Variants in SLX4IP observed in about 807,000 individuals in gnomAD.
SLX4IP encodes the protein protein SLX4IP.
In SLX4IP, 34 loss-of-function variants were observed where a neutral mutation model predicts 32.9. The ratio of observed to expected loss-of-function variants is 1.03; its 90% CI spans 0.79 to 1.38. The LOEUF (loss-of-function observed/expected upper bound fraction) is 1.38, where lower values mean the gene tolerates loss of function less well. Among genes scored for constraint, SLX4IP ranks in the 40% most tolerant of loss-of-function variants. SLX4IP has a pLI of 0.00. For synonymous variants in SLX4IP, 172 were observed against 171.7 expected, an observed-to-expected ratio of 1.00 and a Z score of -0.01; for missense variants, 444 against 479.0, an observed-to-expected ratio of 0.93 and a Z score of 0.68.
intron 2 of SLX4IP, among the ~76,000 whole-genome samples, chr20:10,523,451 C>T (rs180803880): frequency 5.6e-4 from 86 of 152,280 alleles, no homozygotes; most frequent in African/African-American, 1.9e-3. Context: ...CATAGTCAAA[C>T]GCCTTTGTGT....
chr20:10,458,752 C>T (rs993037486), intron 2 of SLX4IP, among the ~76,000 whole-genome samples: 13 of 152,200 alleles, frequency 8.5e-5, no homozygotes, highest in African/African-American at 2.9e-4. Flanking sequence ...TTTCTTTATC[C>T]GTTTTTTCAC....
chr20:10,619,526 A>G (rs2067082800), intron 6 of SLX4IP, among the ~76,000 whole-genome samples: 1 of 152,198 alleles, frequency 6.6e-6, no homozygotes, highest in Non-Finnish European at 1.5e-5. Flanking sequence ...TATGTGGCAT[A>G]TGCAGTATTC....
intron 4 of SLX4IP, among the ~76,000 whole-genome samples, chr20:10,590,332 T>C (rs2066693127): frequency 6.6e-6 from 1 of 152,012 alleles, no homozygotes; most frequent in Non-Finnish European, 1.5e-5. Flanking sequence ...CATTTTATTT[T>C]ATTTTATTTA....
chr20:10,568,352 G>A (rs1021305392), intron 4 of SLX4IP, among the ~76,000 whole-genome samples: 2 of 152,196 alleles, frequency 1.3e-5, no homozygotes, highest in Admixed American at 6.5e-5. Context: ...GTGAAGCTGC[G>A]TGACTTTCTC....
At chr20:10,539,359 G>A (rs570380775) in intron 2 of SLX4IP, among the ~76,000 whole-genome samples, 4 of 152,088 alleles carry the variant, frequency 2.6e-5, no homozygotes, top group Non-Finnish European at 5.9e-5. Context: ...TATTTTAAAG[G>A]GATTAGAAGA....
chr20:10,497,537 T>C (rs1383119017), intron 2 of SLX4IP, among the ~76,000 whole-genome samples: 2 of 152,140 alleles, frequency 1.3e-5, no homozygotes, highest in Admixed American at 1.3e-4. Context: ...TTTGCTTTCT[T>C]TTTTCGGAAA....
chr20:10,454,434 A>G (rs1032577574), intron 1 of SLX4IP, among the ~76,000 whole-genome samples: 4 of 151,982 alleles, frequency 2.6e-5, no homozygotes, highest in African/African-American at 7.3e-5. Context: ...TGTATTCCCT[A>G]ATGTCTCTTT....
Position 10,612,693 on chromosome 20 carries a change from C to G in SLX4IP, c.406-8621C>G, listed in dbSNP as rs184335704. Among the ~76,000 whole-genome samples, 1,254 of 152,186 alleles carry G rather than the reference C, an allele frequency of 8.2e-3. 13 individuals are homozygous for G. Among genetic ancestry groups the G allele is most frequent in the Non-Finnish European group, 0.01 (712 of 68,000 alleles). On this transcript the variant is annotated intron_variant, in intron 6 of 7. Coordinates refer to ENST00000334534, the MANE Select transcript of SLX4IP (RefSeq NM_001009608.3). ...TAGCTGGGATTACAGGCATGCACCA[C>G]CACGCCCGGCTAATTTTCGTGTTTT...
At chr20:10,500,389 A>G (rs1310157534) in intron 2 of SLX4IP, among the ~76,000 whole-genome samples, 1 of 152,010 alleles carries the variant, frequency 6.6e-6, no homozygotes, top group Non-Finnish European at 1.5e-5. Flanking sequence ...TTGGCCTCCG[A>G]AAGTGCTTGG....
chr20:10,608,714 A>C (rs921849285), intron 6 of SLX4IP, among the ~76,000 whole-genome samples: 68 of 150,472 alleles, frequency 4.5e-4, no homozygotes, highest in Non-Finnish European at 8.6e-4. Context: ...AGTCTAAGGC[A>C]CTTATACAGT....
intron 4 of SLX4IP, among the ~76,000 whole-genome samples, chr20:10,594,184 C>G (rs569257319): frequency 6.6e-6 from 1 of 152,242 alleles, no homozygotes; most frequent in South Asian, 2.1e-4. Context: ...CATTATTTTT[C>G]TACTTTTCTG....
chr20:10,602,854 A>C (rs1407611943), intron 6 of SLX4IP, among the ~76,000 whole-genome samples: 1 of 152,228 alleles, frequency 6.6e-6, no homozygotes, highest in African/African-American at 2.4e-5. Flanking sequence ...ATAGAGACCC[A>C]GGAAAAGTAA....
At chr20:10,540,553 G>A (rs1568731045) in intron 2 of SLX4IP, among the ~76,000 whole-genome samples, 3 of 152,070 alleles carry the variant, frequency 2.0e-5, no homozygotes, top group African/African-American at 7.2e-5. Context: ...ATACAGACTT[G>A]TCCCTCCCAC....
At chr20:10,592,036 A>C (rs896993558) in intron 4 of SLX4IP, among the ~76,000 whole-genome samples, 10 of 152,194 alleles carry the variant, frequency 6.6e-5, no homozygotes, top group African/African-American at 2.4e-4. Flanking sequence ...TTATTTTATA[A>C]ATAATGATTT....
intron 1 of SLX4IP, 54 bp downstream of exon 1, chr20:10,435,507 G>C (rs1048394273): frequency 2.6e-5 from 4 of 152,216 alleles, no homozygotes; most frequent in African/African-American, 9.7e-5. Flanking sequence ...GAACTGAACT[G>C]TTTGCCCATC....
chr20:10,617,906 G>T (rs906721538), intron 6 of SLX4IP, among the ~76,000 whole-genome samples: 1 of 152,054 alleles, frequency 6.6e-6, no homozygotes, highest in Admixed American at 6.5e-5. Context: ...CTCCCAAAGT[G>T]CTGGGATTAC....
chr20:10,545,104 CTG>C (rs998379042), intron 2 of SLX4IP, among the ~76,000 whole-genome samples: 1 of 152,122 alleles, frequency 6.6e-6, no homozygotes, highest in Non-Finnish European at 1.5e-5. Context: ...TGCTGGTACT[CTG>C]GGAACCGGCT....
chr20:10,613,712 G>C, intron 6 of SLX4IP: 1 of 1,612,492 alleles, frequency 6.2e-7, no homozygotes, highest in Non-Finnish European at 8.5e-7. Context: ...GGACCTCTCC[G>C]GCGTCAATAG....
In SLX4IP at chr20:10,627,629, A is replaced by T. The variant is rs761460906; in HGVS notation, c.*4250A>T. On this transcript the variant is annotated 3_prime_UTR_variant, in exon 8 of 8. Coordinates refer to ENST00000334534, the MANE Select transcript of SLX4IP (RefSeq NM_001009608.3). ...AAATTATCTTTAATTATCTAGAGCT[A>T]CCCAGTACTGGGCTTGAATTTAATC... 5.3e-5 allele frequency: 8 copies of T among 152,230 alleles called. No homozygotes were observed. Among genetic ancestry groups the T allele is most frequent in the Non-Finnish European group, 7.3e-5 (5 of 68,048 alleles). 9.4% of individuals were successfully genotyped at this position (152,230 alleles called of 1,614,324 possible).
Sources: gnomAD v4.1 joint callset for allele counts (sites outside exome capture counted in the v4.1 genomes callset) on GRCh38, gnomAD v4.1.1 for gene constraint, MANE v1.5 for transcripts, NCBI Gene and HGNC (gene_info 2026-07-23, HGNC 2026-07-21) for gene names.